Variants in LINGO2 observed in about 807,000 individuals in gnomAD.
LINGO2 encodes leucine rich repeat and Ig domain containing 2.
Under a neutral mutation model 30.6 loss-of-function variants are expected in LINGO2, and 14 were observed. That is an observed-to-expected ratio of 0.46 (90% CI 0.30 to 0.72). LINGO2 has a LOEUF of 0.72. LINGO2 is among the 30% of genes least tolerant of loss of function. The pLI is 0.07. For missense variants in LINGO2, 729 were observed against 751.7 expected, an observed-to-expected ratio of 0.97 and a Z score of 0.35; for synonymous variants, 317 against 288.5, an observed-to-expected ratio of 1.10 and a Z score of -1.00.
chr9:28,679,360 G>T, the LINGO2 span, among the ~76,000 whole-genome samples: 1 of 151,888 alleles, frequency 6.6e-6, no homozygotes, highest in East Asian at 1.9e-4. Flanking sequence ...TCTAACTTTG[G>T]TTCTGATTTC....
At chr9:28,689,700 T>C in the LINGO2 span, among the ~76,000 whole-genome samples, 2 of 152,134 alleles carry the variant, frequency 1.3e-5, no homozygotes, top group African/African-American at 4.8e-5. Flanking sequence ...GCAATCCCAT[T>C]ACTGGGTATA....
the LINGO2 span, among the ~76,000 whole-genome samples, chr9:28,771,014 C>G: frequency 6.6e-6 from 1 of 152,168 alleles, no homozygotes; most frequent in Non-Finnish European, 1.5e-5. Flanking sequence ...GCCAAGTGCT[C>G]AAGGCCATTT....
chr9:28,714,169 A>ATG, the LINGO2 span, among the ~76,000 whole-genome samples: 1 of 84,170 alleles, frequency 1.2e-5, no homozygotes, highest in East Asian at 4.2e-4. Flanking sequence ...CAAATAATAT[A>ATG]TATATATATA....
At chr9:29,210,136 A>C in the LINGO2 span, among the ~76,000 whole-genome samples, 5 of 152,202 alleles carry the variant, frequency 3.3e-5, no homozygotes, top group Non-Finnish European at 1.5e-5. Flanking sequence ...AGAGGACTCA[A>C]ATGGTTTTCT....
chr9:28,624,020 G>T (rs188686389), intron 1 of LINGO2, among the ~76,000 whole-genome samples: 2 of 152,090 alleles, frequency 1.3e-5, no homozygotes, highest in East Asian at 3.9e-4. Flanking sequence ...TTTGTAGGTT[G>T]ATTTGTATCT....
intron 5 of LINGO2, among the ~76,000 whole-genome samples, chr9:27,979,874 A>C (rs931505149): frequency 6.6e-6 from 1 of 152,002 alleles, no homozygotes; most frequent in Non-Finnish European, 1.5e-5. Flanking sequence ...CTAAACCCTT[A>C]ATGTAAATGA....
chr9:28,664,687 T>C (rs1828722723), intron 1 of LINGO2, among the ~76,000 whole-genome samples: 1 of 151,992 alleles, frequency 6.6e-6, no homozygotes, highest in Admixed American at 6.6e-5. Flanking sequence ...GATCATCATA[T>C]CCTCTTCTTG....
At position 28,644,182 on chromosome 9, in the gene LINGO2, A is replaced by G. The variant is rs79271795; in HGVS notation, c.-365+26018T>C. ...AACCATATGATACAGCAATTCCACT[A>G]CTGGATATATAACCAAAAGAAAAAA... On this transcript the variant is annotated intron_variant, in intron 1 of 5. Coordinates refer to ENST00000379992, the Ensembl canonical transcript of LINGO2. 3.6e-3 allele frequency among the ~76,000 whole-genome samples: 553 copies of G among 152,154 alleles called. 4 individuals carry two copies. The highest frequency in any genetic ancestry group is 0.013 in the African/African-American group (526 of 41,538).
chr9:28,576,393 A>G (rs567875918), intron 1 of LINGO2, among the ~76,000 whole-genome samples: 2 of 151,944 alleles, frequency 1.3e-5, no homozygotes, highest in East Asian at 3.9e-4. Context: ...AACCTTCATA[A>G]GCCAAGGATT....
the LINGO2 span, among the ~76,000 whole-genome samples, chr9:28,812,073 T>C: frequency 8.0e-6 from 1 of 125,014 alleles, no homozygotes; most frequent in East Asian, 2.0e-4. Context: ...CTTGTGGCAA[T>C]TTTTTTTTTT....
At chr9:28,516,266 C>T (rs1820616074) in intron 1 of LINGO2, among the ~76,000 whole-genome samples, 1 of 152,126 alleles carries the variant, frequency 6.6e-6, no homozygotes, top group African/African-American at 2.4e-5. Context: ...AATCTCTCCC[C>T]ACAAATGTCA....
At chr9:28,657,256 A>AT (rs35987388) in intron 1 of LINGO2, among the ~76,000 whole-genome samples, 3 of 152,012 alleles carry the variant, frequency 2.0e-5, no homozygotes, top group South Asian at 2.1e-4. Context: ...GTACCCTGAT[A>AT]TTTTTTTACT....
intron 4 of LINGO2, among the ~76,000 whole-genome samples, chr9:28,273,646 T>C (rs1445368894): frequency 6.6e-6 from 1 of 152,190 alleles, no homozygotes; most frequent in Non-Finnish European, 1.5e-5. Context: ...TTTCATCTGA[T>C]TAATGCTTCT....
intron 1 of LINGO2, among the ~76,000 whole-genome samples, chr9:28,637,690 G>A (rs1439808720): frequency 6.6e-6 from 1 of 152,168 alleles, no homozygotes; most frequent in Non-Finnish European, 1.5e-5. Flanking sequence ...AGACTTTGCT[G>A]AAGTTGCTTA....
the LINGO2 span, among the ~76,000 whole-genome samples, chr9:29,124,717 T>C: frequency 3.5e-4 from 53 of 152,184 alleles, no homozygotes; most frequent in African/African-American, 1.1e-3. Flanking sequence ...TAAGATACCA[T>C]CTCATGCCAG....
chr9:28,792,049 GTA>G, the LINGO2 span, among the ~76,000 whole-genome samples: 3,388 of 149,288 alleles, frequency 0.023, 126 homozygotes, highest in African/African-American at 0.078. Flanking sequence ...TATATGCAGA[GTA>G]TATATATATA....
the LINGO2 span, among the ~76,000 whole-genome samples, chr9:28,802,604 T>C: frequency 1.3e-5 from 2 of 151,954 alleles, no homozygotes; most frequent in Non-Finnish European, 2.9e-5. Flanking sequence ...TGGAAGAAAC[T>C]ATTGGCAATT....
At chr9:28,859,122 T>C in the LINGO2 span, among the ~76,000 whole-genome samples, 1 of 152,130 alleles carries the variant, frequency 6.6e-6, no homozygotes, top group Non-Finnish European at 1.5e-5. Context: ...TTAGTTGTTT[T>C]TCTGAAGGAG....
intron 4 of LINGO2, among the ~76,000 whole-genome samples, chr9:28,079,772 T>C (rs965861608): frequency 5.9e-5 from 9 of 152,146 alleles, no homozygotes; most frequent in African/African-American, 2.2e-4. Context: ...CAAATGCACA[T>C]CTCCATCTCT....
Sources: gnomAD v4.1 joint callset for allele counts (sites outside exome capture counted in the v4.1 genomes callset) on GRCh38, gnomAD v4.1.1 for gene constraint, MANE v1.5 for transcripts, NCBI Gene and HGNC (gene_info 2026-07-23, HGNC 2026-07-21) for gene names.